Variants in NPAS3 observed in about 807,000 individuals in gnomAD.
NPAS3 encodes neuronal PAS domain protein 3, also known as neuronal PAS domain-containing protein 3.
In NPAS3, 14 loss-of-function variants were observed where a neutral mutation model predicts 73.1. The observed-to-expected ratio is 0.19, with a 90% CI of 0.13 to 0.30. NPAS3 has a LOEUF of 0.30. Among genes scored for constraint, NPAS3 ranks in the 10% least tolerant of loss-of-function variants. The pLI is 1.00. For synonymous variants in NPAS3, 620 were observed against 541.5 expected (o/e 1.14, Z -2.01); for missense variants, 1,096 against 1,250.0 (o/e 0.88, Z 1.86).
intron 3 of NPAS3, among the ~76,000 whole-genome samples, chr14:33,292,010 A>C (rs2042118358): frequency 6.6e-6 from 1 of 152,212 alleles, no homozygotes; most frequent in Non-Finnish European, 1.5e-5. Flanking sequence ...TTCTTTGATA[A>C]ATCAAAAAGG....
At chr14:33,731,409 A>G (rs2061395497) in intron 6 of NPAS3, among the ~76,000 whole-genome samples, 1 of 128,858 alleles carries the variant, frequency 7.8e-6, no homozygotes, top group Non-Finnish European at 1.7e-5. Flanking sequence ...ACAGAGGAAG[A>G]CCCTGTCTCA....
chr14:33,180,253 C>T (rs560168244), intron 2 of NPAS3, among the ~76,000 whole-genome samples: 1 of 151,964 alleles, frequency 6.6e-6, no homozygotes, highest in South Asian at 2.1e-4. Context: ...TTTTTCTTAT[C>T]GTATCTCCAT....
chr14:33,186,583 G>A (rs1203022117), intron 2 of NPAS3, among the ~76,000 whole-genome samples: 1 of 152,128 alleles, frequency 6.6e-6, no homozygotes, highest in Admixed American at 6.5e-5. Context: ...CTGAACGCAT[G>A]ATTTTCCCTC....
chr14:33,224,683 T>A lies in NPAS3; in HGVS notation c.385+9257T>A, dbSNP rs377185705. Reference sequence around the variant, plus strand: ...TCTCTCTATGTTCCGCTACTTACGATTGGAATCCCTTTTCCCCATTTACAT... The same window carrying A: ...TCTCTCTATGTTCCGCTACTTACGAATGGAATCCCTTTTCCCCATTTACAT... On this transcript the variant is annotated intron_variant, in intron 3 of 11. Coordinates refer to ENST00000356141, the Ensembl canonical transcript of NPAS3. 1.4e-3 allele frequency among the ~76,000 whole-genome samples: 219 copies of A among 152,226 alleles called. 6 individuals carry two copies. In the South Asian group the frequency reaches 0.042, roughly 29 times the overall value.
At chr14:33,187,387 A>G (rs1287258240) in intron 2 of NPAS3, among the ~76,000 whole-genome samples, 3 of 152,106 alleles carry the variant, frequency 2.0e-5, no homozygotes, top group African/African-American at 7.2e-5. Context: ...ATTTCTCTTG[A>G]TCATTCTTTA....
At chr14:33,349,251 T>G (rs1358166586) in intron 3 of NPAS3, among the ~76,000 whole-genome samples, 2 of 152,230 alleles carry the variant, frequency 1.3e-5, no homozygotes, top group South Asian at 4.1e-4. Flanking sequence ...TCCTAGCCTA[T>G]TTATACTGTT....
chr14:33,062,292 A>G (rs2041134016), intron 2 of NPAS3, among the ~76,000 whole-genome samples: 1 of 142,806 alleles, frequency 7.0e-6, no homozygotes, highest in African/African-American at 2.7e-5. Context: ...CCACCTATGA[A>G]AAAAAAAAGA....
At chr14:33,056,456 C>T (rs142583235) in intron 2 of NPAS3, among the ~76,000 whole-genome samples, 206 of 152,308 alleles carry the variant, frequency 1.4e-3, no homozygotes, top group Admixed American at 2.7e-3. Flanking sequence ...ATTATACTGT[C>T]ATGTAGCAGA....
chr14:33,697,607 A>G (rs949523414), intron 6 of NPAS3, among the ~76,000 whole-genome samples: 1 of 152,206 alleles, frequency 6.6e-6, no homozygotes, highest in African/African-American at 2.4e-5. Context: ...TTGAACCTTT[A>G]ATCAATCTTC....
At chr14:33,165,238 C>T (rs1223306488) in intron 2 of NPAS3, among the ~76,000 whole-genome samples, 2 of 151,598 alleles carry the variant, frequency 1.3e-5, no homozygotes, top group East Asian at 1.9e-4. Flanking sequence ...AACAACCTTT[C>T]GATGTAAGTA....
intron 2 of NPAS3, among the ~76,000 whole-genome samples, chr14:33,088,513 G>C (rs970039961): frequency 6.6e-6 from 1 of 152,212 alleles, no homozygotes; most frequent in Non-Finnish European, 1.5e-5. Flanking sequence ...CATTGCTGAG[G>C]CTTGAGTAGG....
chr14:33,706,280 G>T (rs2060653868), intron 6 of NPAS3, among the ~76,000 whole-genome samples: 1 of 152,234 alleles, frequency 6.6e-6, no homozygotes, highest in Non-Finnish European at 1.5e-5. Context: ...GGAGAGGGAG[G>T]ATGGAGCTAC....
intron 4 of NPAS3, among the ~76,000 whole-genome samples, chr14:33,386,462 G>A (rs1363604420): frequency 6.6e-6 from 1 of 151,862 alleles, no homozygotes; most frequent in Non-Finnish European, 1.5e-5. Context: ...TGACCAATGG[G>A]CAGATGTATG....
intron 4 of NPAS3, among the ~76,000 whole-genome samples, chr14:33,446,489 A>C (rs1008160706): frequency 6.6e-6 from 1 of 152,174 alleles, no homozygotes; most frequent in Non-Finnish European, 1.5e-5. Flanking sequence ...CATGCTTTCT[A>C]ATAAGCAAGA....
At chr14:33,514,606 A>T (rs532360207) in intron 4 of NPAS3, among the ~76,000 whole-genome samples, 2 of 152,090 alleles carry the variant, frequency 1.3e-5, no homozygotes, top group African/African-American at 2.4e-5. Flanking sequence ...CACAAAATTT[A>T]ACAAATTGAA....
intron 4 of NPAS3, among the ~76,000 whole-genome samples, chr14:33,557,215 G>C (rs1425579523): frequency 6.6e-6 from 1 of 152,156 alleles, no homozygotes. Context: ...TATCAGAAAA[G>C]ACTGCAGAGG....
Position 33,020,220 on chromosome 14 carries a change from T to C in NPAS3, c.51-35685T>C, listed in dbSNP as rs78303648. Among the ~76,000 whole-genome samples, 824 of 152,324 alleles carry C rather than the reference T, an allele frequency of 5.4e-3. 3 individuals carry two copies. The highest frequency in any genetic ancestry group is 9.2e-3 in the Non-Finnish European group (624 of 68,030). On this transcript the variant is annotated intron_variant, in intron 1 of 11. Transcript: ENST00000356141. ...TGAAGAACAAAGAAATCAGTATCAA[T>C]TAATTCTTACAACCAGATAGTGTAT...
intron 2 of NPAS3, among the ~76,000 whole-genome samples, chr14:33,119,749 G>T (rs1316940047): frequency 2.0e-5 from 3 of 152,110 alleles, no homozygotes; most frequent in Non-Finnish European, 2.9e-5. Context: ...AAGATCTATT[G>T]TTCACGCCCT....
At chr14:33,139,699 A>C (rs947709256) in intron 2 of NPAS3, among the ~76,000 whole-genome samples, 20 of 152,202 alleles carry the variant, frequency 1.3e-4, no homozygotes, top group Non-Finnish European at 2.9e-4. Context: ...TGGCTCTTTA[A>C]ATTTTAATTA....
Sources: allele counts gnomAD v4.1 joint callset (sites outside exome capture counted in the v4.1 genomes callset), GRCh38; gene constraint gnomAD v4.1.1; transcripts MANE v1.5; gene names NCBI Gene and HGNC (gene_info 2026-07-23, HGNC 2026-07-21).